MFSD8: variants seen among roughly 807,000 people sequenced by gnomAD.
The protein encoded by MFSD8 is major facilitator superfamily domain containing 8, also known as major facilitator superfamily domain-containing protein 8.
MFSD8 carries 55 observed loss-of-function variants against 66.4 expected under a neutral mutation model. That is an observed-to-expected ratio of 0.83 (90% CI 0.67 to 1.04). The LOEUF (loss-of-function observed/expected upper bound fraction) is 1.04. MFSD8 is among the 50% of genes least tolerant of loss of function. MFSD8 has a pLI of 0.00. For missense variants in MFSD8, 550 were observed against 627.6 expected (o/e 0.88, Z 1.32); for synonymous variants, 202 against 212.8 (o/e 0.95, Z 0.44).
chr4:127,964,034 G>A (rs905773330), intron 1 of MFSD8, among the ~76,000 whole-genome samples: 22 of 152,158 alleles, frequency 1.4e-4, no homozygotes, highest in Admixed American at 6.5e-5. Flanking sequence ...CACAAACCCT[G>A]AGCTAGACAC....
At chr4:127,950,833 G>C (rs190066509) in intron 2 of MFSD8, among the ~76,000 whole-genome samples, 48 of 151,564 alleles carry the variant, frequency 3.2e-4, no homozygotes, top group African/African-American at 1.2e-3. Context: ...CGAGGTGGGT[G>C]AATCACTTGA....
In MFSD8 at chr4:127,943,854, T is replaced by C; in HGVS notation, c.337A>G (p.Ile113Val). 1 of 1,614,090 alleles carries C rather than the reference T, an allele frequency of 6.2e-7. No individual in the cohort carries two copies. Among genetic ancestry groups the C allele is most frequent in the South Asian group, 1.1e-5 (1 of 91,080 alleles). Reference sequence around the variant, plus strand: ...TAGAGGCAGTTGGCTGCCACGGAAATCAAGATGGAGACAATAAGAGGCTCT... The same window carrying C: ...TAGAGGCAGTTGGCTGCCACGGAAACCAAGATGGAGACAATAAGAGGCTCT... ...RKEPLIVSIL[I>V]SVAANCLYAY... Residue 113 changes from isoleucine (I) to valine (V), a missense_variant, in exon 4 of 12, where the codon ATT becomes GTT. Ile to Val is a conservative substitution (Grantham distance 29). Transcript: ENST00000641686.
At chr4:127,957,193 G>A (rs2148971216) in intron 2 of MFSD8, among the ~76,000 whole-genome samples, 1 of 152,234 alleles carries the variant, frequency 6.6e-6, no homozygotes, top group East Asian at 1.9e-4. Flanking sequence ...ATTTATATGA[G>A]CTATCTAGAA....
chr4:127,939,865 A>C lies in MFSD8; in HGVS notation c.686T>G (p.Leu229Arg), dbSNP rs761101343. The change falls in exon 6 of 12, where the codon CTT becomes CGT. Residue 229 changes from leucine (L) to arginine (R), a missense_variant. Transcript: ENST00000641686. ...FLGILNIILI[L>R]AILREHRVDD... ...TCTATCTAATTACCTTAGTATGGCA[A>C]GGATCAGAATAATATTTAAAATTCC... 1 of 1,612,698 alleles carries C rather than the reference A, an allele frequency of 6.2e-7. No individual in the cohort carries two copies. The highest frequency in any genetic ancestry group is 2.2e-5 in the East Asian group (1 of 44,768).
intron 2 of MFSD8, among the ~76,000 whole-genome samples, chr4:127,953,220 A>T (rs1314789963): frequency 1.3e-5 from 2 of 152,004 alleles, no homozygotes; most frequent in African/African-American, 2.4e-5. Flanking sequence ...AGAAATTTAC[A>T]GGTCACACCT....
chr4:127,960,561 A>T (rs531171936), intron 1 of MFSD8, among the ~76,000 whole-genome samples: 1 of 152,248 alleles, frequency 6.6e-6, no homozygotes, highest in African/African-American at 2.4e-5. Context: ...AGAGAAAAGA[A>T]AGAAGTGTGT....
Position 127,957,546 on chromosome 4 carries a change from TC to T in MFSD8, c.108del (p.Trp36Ter). On this transcript the variant is annotated frameshift_variant, in exon 2 of 12. Coordinates refer to ENST00000641686, the MANE Select transcript of MFSD8 (RefSeq NM_001371596.2). LOFTEE classifies it high-confidence loss of function. ...LETEEHYKSR[W>X]RSIRILYLTM... ...GTAAGATATAAAATCCTAATAGATC[TC>T]CATCGGCTCTTATAATGCTCTTCAG... The T allele has an allele frequency of 6.2e-7, 1 of 1,611,996 alleles. No individual in the cohort carries two copies. Among genetic ancestry groups the T allele is most frequent in the East Asian group, 2.2e-5 (1 of 44,706 alleles).
chr4:127,920,422 G>A lies in MFSD8; in HGVS notation c.*208C>T, dbSNP rs886059069. ...AATAATATTTCATTTCTGAGGTAAG[G>A]AAATTATCATCTAGTATGTTTTTAT... On this transcript the variant is annotated 3_prime_UTR_variant, in exon 12 of 12. Transcript: ENST00000641686. 1.7e-6 allele frequency: 1 copy of A among 597,798 alleles called. No individual in the cohort carries two copies. Among genetic ancestry groups the A allele is most frequent in the South Asian group, 2.0e-5 (1 of 51,220 alleles). 37.0% of individuals were successfully genotyped at this position (597,798 alleles called of 1,614,324 possible). A position where few individuals can be genotyped will look rare whatever the true frequency, so the allele number is the denominator to read the frequency against.
chr4:127,947,238 A>G (rs1011520877), intron 3 of MFSD8, among the ~76,000 whole-genome samples: 25 of 151,894 alleles, frequency 1.6e-4, no homozygotes, highest in African/African-American at 6.0e-4. Context: ...AAAATTATAA[A>G]AATTAGCCAG....
At chr4:127,922,785 G>T (rs1736533114) in intron 9 of MFSD8, among the ~76,000 whole-genome samples, 1 of 152,116 alleles carries the variant, frequency 6.6e-6, no homozygotes, top group Non-Finnish European at 1.5e-5. Flanking sequence ...AATAGTTGGT[G>T]AGGGAAAGAT....
At chr4:127,938,898 A>G in intron 6 of MFSD8, 60 bp from the exon 7 acceptor site, 1 of 1,315,686 alleles carries the variant, frequency 7.6e-7, no homozygotes, top group Non-Finnish European at 1.1e-6. Context: ...AGTTGTTTAA[A>G]TTTATTATCG....
chr4:127,951,710 C>T (rs2148950542), intron 2 of MFSD8, among the ~76,000 whole-genome samples: 1 of 150,644 alleles, frequency 6.6e-6, no homozygotes, highest in Non-Finnish European at 1.5e-5. Flanking sequence ...GGTCTTTTGT[C>T]TTGTCTTCTT....
intron 5 of MFSD8, among the ~76,000 whole-genome samples, chr4:127,941,588 A>G (rs532372022): frequency 4.6e-5 from 7 of 152,094 alleles, no homozygotes; most frequent in Admixed American, 1.3e-4. Context: ...CAGCCTCCCA[A>G]GTAGCTGGGA....
chr4:127,938,604 TAAA>T (rs1212385355), intron 7 of MFSD8, among the ~76,000 whole-genome samples, 176 bp downstream of exon 7: 1 of 137,450 alleles, frequency 7.3e-6, no homozygotes, highest in African/African-American at 2.8e-5. Flanking sequence ...AATAAATAAA[TAAA>T]TAAATAAATA....
chr4:127,932,917 T>A, intron 8 of MFSD8, 68 bp downstream of exon 8: 1 of 1,412,442 alleles, frequency 7.1e-7, no homozygotes, highest in Non-Finnish European at 1.0e-6. Context: ...ATATGCCTAA[T>A]TAACATTGCA....
At chr4:127,941,403 C>A (rs1450967659) in intron 5 of MFSD8, among the ~76,000 whole-genome samples, 1 of 152,120 alleles carries the variant, frequency 6.6e-6, no homozygotes, top group Non-Finnish European at 1.5e-5. Flanking sequence ...TTATTCTAGG[C>A]ATGAAAATGA....
chr4:127,937,405 A>C (rs552885291), intron 7 of MFSD8, among the ~76,000 whole-genome samples: 7 of 152,244 alleles, frequency 4.6e-5, no homozygotes, highest in Admixed American at 4.6e-4. Flanking sequence ...CTAATCCTTA[A>C]TATTCTCTAT....
At chr4:127,929,163 A>T (rs1479811977) in intron 9 of MFSD8, among the ~76,000 whole-genome samples, 1 of 145,606 alleles carries the variant, frequency 6.9e-6, no homozygotes, top group Non-Finnish European at 1.5e-5. Flanking sequence ...TACTAAAAAT[A>T]AAAAAAAAAA....
chr4:127,943,690 G>T (rs1740572866), intron 4 of MFSD8, 62 bp downstream of exon 4: 1 of 1,602,912 alleles, frequency 6.2e-7, no homozygotes, highest in Non-Finnish European at 8.5e-7. Flanking sequence ...AGTTAAAAGT[G>T]AGCCATAAAT....
Sources: gnomAD v4.1 joint callset for allele counts (sites outside exome capture counted in the v4.1 genomes callset) on GRCh38, gnomAD v4.1.1 for gene constraint, MANE v1.5 for transcripts, NCBI Gene and HGNC (gene_info 2026-07-23, HGNC 2026-07-21) for gene names.